The following PPFIBP1 variants were observed in gnomAD, a reference collection of about 807,000 sequenced individuals.
PPFIBP1 encodes liprin-beta-1.
PPFIBP1 carries 112 observed loss-of-function variants against 137.8 expected under a neutral mutation model. That is an observed-to-expected ratio of 0.81 (90% CI 0.70 to 0.95). The LOEUF (loss-of-function observed/expected upper bound fraction) is 0.95. Among genes scored for constraint, PPFIBP1 ranks in the 40% least tolerant of loss-of-function variants. The pLI is 0.00. For synonymous variants in PPFIBP1, 378 were observed against 417.3 expected, an observed-to-expected ratio of 0.91 and a Z score of 1.15; for missense variants, 1,083 against 1,196.6, an observed-to-expected ratio of 0.91 and a Z score of 1.40.
chr12:27,539,587 C>T (rs1008085255), intron 1 of PPFIBP1, among the ~76,000 whole-genome samples: 2 of 152,186 alleles, frequency 1.3e-5, no homozygotes, highest in Non-Finnish European at 2.9e-5. Context: ...TTAAACAAAG[C>T]AGCTTTCCCC....
At position 27,671,542 on chromosome 12, in the gene PPFIBP1, G is replaced by A. The variant is rs755540745; in HGVS notation, c.1258G>A (p.Glu420Lys). ...LTPKPETSFE[E>K]NDGNIILGAT... is the part of the protein sequence containing the mutation. The stretch of plus-strand genomic sequence containing the variant: ...TCCTAAGCCAGAGACTTCATTTGAA[G>A]AAAAGTATGTCATTTATTAACAGTG... Residue 420 changes from glutamate (E) to lysine (K), a missense_variant, in exon 14 of 30, where the codon GAA becomes AAA. By Grantham distance (56) the Glu-to-Lys change is moderately conservative. Transcript: ENST00000228425. 3.9e-6 allele frequency: 6 copies of A among 1,548,626 alleles called. No individual in the cohort carries two copies. The East Asian group carries it at 9.3e-5, about 24-fold the overall frequency.
rs1210323819 is a variant in PPFIBP1, at chr12:27,625,581, T to TG, written c.-35-7781_-35-7780insG. Among the ~76,000 whole-genome samples the TG allele has an allele frequency of 2.7e-3, 339 of 125,766 alleles. 6 individuals carry two copies. The highest frequency in any genetic ancestry group is 3.3e-3 in the South Asian group (13 of 3,960). The allele number at this position is 125,766 out of a possible 152,430, so 82.5% of individuals were successfully genotyped here. A position where few individuals can be genotyped will look rare whatever the true frequency, so the allele number is the denominator to read the frequency against. ...ATACTTATTTTACAGTTTTTTACAG[T>TG]TTTTTTTTTTTTTTTTGGAGACAGA... On this transcript the variant is annotated intron_variant, in intron 2 of 29. Coordinates refer to ENST00000228425, the MANE Select transcript of PPFIBP1 (RefSeq NM_003622.4).
At chr12:27,649,636 C>T (rs547372854) in intron 6 of PPFIBP1, among the ~76,000 whole-genome samples, 98 of 152,128 alleles carry the variant, frequency 6.4e-4, no homozygotes, top group Middle Eastern at 6.8e-3. Flanking sequence ...CTGTAACCTC[C>T]GCCTCCTGGG....
At chr12:27,688,200 C>A in intron 25 of PPFIBP1, 98 bp from the exon 26 acceptor site, 1 of 1,303,362 alleles carries the variant, frequency 7.7e-7, no homozygotes, top group Non-Finnish European at 1.0e-6. Flanking sequence ...TTTCTTTTTG[C>A]ATTTAGTGGG....
intron 21 of PPFIBP1, among the ~76,000 whole-genome samples, chr12:27,680,827 A>G (rs937951683): frequency 2.0e-5 from 3 of 152,242 alleles, no homozygotes; most frequent in African/African-American, 7.2e-5. Context: ...TTTTAACAGT[A>G]TAATAGACTG....
At chr12:27,565,323 C>T (rs1032015112) in intron 1 of PPFIBP1, among the ~76,000 whole-genome samples, 7 of 152,202 alleles carry the variant, frequency 4.6e-5, no homozygotes, top group Non-Finnish European at 8.8e-5. Context: ...CAGTATTGCC[C>T]CATCTTCTGT....
intron 10 of PPFIBP1, among the ~76,000 whole-genome samples, chr12:27,659,657 TC>T (rs928056272): frequency 2.5e-5 from 1 of 39,646 alleles, no homozygotes; most frequent in African/African-American, 1.3e-4. Context: ...ACACCCCATC[TC>T]TTAAAAAAAA....
intron 13 of PPFIBP1, among the ~76,000 whole-genome samples, chr12:27,670,816 A>AATAATAATAATG (rs1351674469): frequency 2.2e-4 from 33 of 149,414 alleles, no homozygotes; most frequent in South Asian, 2.1e-4. Flanking sequence ...TAATAATAAT[A>AATAATAATAATG]GAGTGTTGAA....
chr12:27,662,982 T>C (rs1269254181), intron 11 of PPFIBP1, among the ~76,000 whole-genome samples: 2 of 152,210 alleles, frequency 1.3e-5, no homozygotes, highest in Non-Finnish European at 2.9e-5. Context: ...TGATCTCGGC[T>C]GGCTTAGCTG....
In PPFIBP1 at chr12:27,681,580, G is replaced by A; in HGVS notation, c.1930G>A (p.Glu644Lys). 1 of 1,614,112 alleles carries A rather than the reference G, an allele frequency of 6.2e-7. No individual in the cohort carries two copies. Among genetic ancestry groups the A allele is most frequent in the Non-Finnish European group, 8.5e-7 (1 of 1,180,000 alleles). Residue 644 changes from glutamate to lysine, a missense_variant, in exon 22 of 30, where the codon GAG becomes AAG. Glu to Lys is a moderately conservative substitution (Grantham distance 56). Transcript: ENST00000228425. ...TATGCCATTTGCCAAGTGGACCAAG[G>A]AGCAGGTTTGCAATTGGCTGATGGA... ...LDMPFAKWTK[E>K]QVCNWLMEQG... is the part of the protein sequence containing the mutation.
chr12:27,552,630 G>A (rs910776952), intron 1 of PPFIBP1: 4 of 152,114 alleles, frequency 2.6e-5, no homozygotes, highest in Non-Finnish European at 4.4e-5. Flanking sequence ...TTTTTCTCTG[G>A]TTCAAGACCA....
chr12:27,564,906 G>A (rs1165762535), intron 1 of PPFIBP1, among the ~76,000 whole-genome samples: 1 of 152,146 alleles, frequency 6.6e-6, no homozygotes, highest in Non-Finnish European at 1.5e-5. Flanking sequence ...TTGTCTTCCT[G>A]TCTTATGCCA....
At chr12:27,557,283 T>C (rs1053865543) in intron 1 of PPFIBP1, among the ~76,000 whole-genome samples, 3 of 145,630 alleles carry the variant, frequency 2.1e-5, no homozygotes, top group African/African-American at 7.7e-5. Context: ...TTGCCCAGGG[T>C]GGAGTGCAGC....
chr12:27,683,356 C>T (rs113746600), intron 24 of PPFIBP1, among the ~76,000 whole-genome samples: 4,769 of 152,292 alleles, frequency 0.031, 219 homozygotes, highest in African/African-American at 0.11. Flanking sequence ...TGAGTCAACA[C>T]GCCCAGCCTA....
At chr12:27,554,055 A>ACAGCACCCAT (rs1947043469) in intron 1 of PPFIBP1, among the ~76,000 whole-genome samples, 1 of 152,242 alleles carries the variant, frequency 6.6e-6, no homozygotes, top group Admixed American at 6.5e-5. Flanking sequence ...GGGCTGCTTG[A>ACAGCACCCAT]CAGCACCCAT....
rs1946176448 is a variant in PPFIBP1 at position 27,545,790 on chromosome 12, A to G, written c.-124+21425A>G. Among the ~76,000 whole-genome samples, 3 of 152,178 alleles carry G rather than the reference A, an allele frequency of 2.0e-5. No individual in the cohort carries two copies. The South Asian group carries it at 6.2e-4, about 32-fold the overall frequency. On this transcript the variant is annotated intron_variant, in intron 1 of 29. Coordinates refer to ENST00000228425, the MANE Select transcript of PPFIBP1 (RefSeq NM_003622.4). The stretch of plus-strand genomic sequence containing the variant: ...CTAGGGACAGAAGGCTTTCCTAGGA[A>G]CGGTTAGTGTGTCTAAGAAATTGGT...
At chr12:27,601,517 C>T (rs1360089132) in intron 2 of PPFIBP1, among the ~76,000 whole-genome samples, 1 of 152,196 alleles carries the variant, frequency 6.6e-6, no homozygotes, top group Admixed American at 6.5e-5. Context: ...AGGCTACACA[C>T]TCTGCTTGAT....
At chr12:27,687,019 A>G (rs553571593) in intron 24 of PPFIBP1, among the ~76,000 whole-genome samples, 1 of 152,356 alleles carries the variant, frequency 6.6e-6, no homozygotes, top group East Asian at 1.9e-4. Flanking sequence ...AGTTCTCAAA[A>G]CTAAAGAGGA....
At chr12:27,667,120 A>G (rs905441188) in intron 12 of PPFIBP1, 46 bp from the exon 13 acceptor site, 82 of 1,451,786 alleles carry the variant, frequency 5.6e-5, no homozygotes, top group Non-Finnish European at 7.1e-5. Flanking sequence ...AGTGAAATAT[A>G]AATCAAAAGC....
Sources: gnomAD v4.1 joint callset for allele counts (sites outside exome capture counted in the v4.1 genomes callset) on GRCh38, gnomAD v4.1.1 for gene constraint, MANE v1.5 for transcripts, NCBI Gene and HGNC (gene_info 2026-07-23, HGNC 2026-07-21) for gene names.